The following LINC01488 variants were observed in gnomAD, a reference collection of about 807,000 sequenced individuals.
LINC01488 encodes CCND1-upstream intergenic DNA repair 1.
intron 1 of LINC01488, among the ~76,000 whole-genome samples, chr11:69,482,610 G>T (rs1022112852): frequency 1.3e-5 from 2 of 152,008 alleles, no homozygotes. Flanking sequence ...TGGATGAGTG[G>T]ATGGATGGGT....
chr11:69,491,765 C>G (rs1857224137), intron 3 of LINC01488: 1 of 152,598 alleles, frequency 6.6e-6, no homozygotes, highest in African/African-American at 2.4e-5. Context: ...GGCAGAACCC[C>G]TGCCCCATGG....
At chr11:69,485,166 A>G (rs1253480236) in intron 1 of LINC01488, among the ~76,000 whole-genome samples, 1 of 152,126 alleles carries the variant, frequency 6.6e-6, no homozygotes, top group Non-Finnish European at 1.5e-5. Context: ...ACCTCCTAGC[A>G]ATTGGGTGAT....
At chr11:69,485,299 TC>T (rs1857098032) in intron 1 of LINC01488, among the ~76,000 whole-genome samples, 1 of 152,192 alleles carries the variant, frequency 6.6e-6, no homozygotes. Flanking sequence ...TCTCATCCCC[TC>T]TCAGTCGAGG....
At chr11:69,482,582 G>GATGAGTAGGTGGATGA (rs1857059435) in intron 1 of LINC01488, among the ~76,000 whole-genome samples, 1 of 149,928 alleles carries the variant, frequency 6.7e-6, no homozygotes, top group Non-Finnish European at 1.5e-5. Flanking sequence ...TAGGTGGATG[G>GATGAGTAGGTGGATGA]ATGAGTAGGT....
chr11:69,492,809 C>G (rs776689030), exon 4 of LINC01488: 4 of 152,208 alleles, frequency 2.6e-5, no homozygotes, highest in African/African-American at 4.8e-5. Flanking sequence ...ACTGAAGCCT[C>G]CTGGAATGCT....
intron 1 of LINC01488, among the ~76,000 whole-genome samples, chr11:69,487,536 T>A (rs1175548023): frequency 2.0e-5 from 3 of 152,184 alleles, no homozygotes; most frequent in African/African-American, 7.2e-5. Context: ...GAAGGGGCCG[T>A]GTGGTGTCCA....
chr11:69,486,903 T>C (rs909792449), intron 1 of LINC01488, among the ~76,000 whole-genome samples: 4 of 152,184 alleles, frequency 2.6e-5, no homozygotes, highest in African/African-American at 9.6e-5. Flanking sequence ...AATGTGGATG[T>C]CAGCTCTGAA....
chr11:69,490,616 C>T (rs1352018305), intron 2 of LINC01488: 1 of 152,226 alleles, frequency 6.6e-6, no homozygotes, highest in Non-Finnish European at 1.5e-5. Flanking sequence ...CAGGGGGGCC[C>T]CTATGTGCCC....
chr11:69,484,087 C>T (rs1216245326), intron 1 of LINC01488, among the ~76,000 whole-genome samples: 1 of 152,238 alleles, frequency 6.6e-6, no homozygotes, highest in Non-Finnish European at 1.5e-5. Flanking sequence ...CCCTAGGTAC[C>T]TGCTGTGAGC....
At chr11:69,484,960 T>C (rs1250819885) in intron 1 of LINC01488, among the ~76,000 whole-genome samples, 1 of 152,242 alleles carries the variant, frequency 6.6e-6, no homozygotes, top group Non-Finnish European at 1.5e-5. Context: ...CCTGGTCTTA[T>C]CTGCTACTGC....
chr11:69,487,091 C>T (rs6606645), intron 1 of LINC01488, among the ~76,000 whole-genome samples: 58,226 of 152,248 alleles, frequency 0.38, 13,125 homozygotes, highest in Middle Eastern at 0.53. Flanking sequence ...TGGCCTGGGG[C>T]GGCTGCCGCC....
intron 1 of LINC01488, among the ~76,000 whole-genome samples, chr11:69,485,387 C>T (rs1857099428): frequency 6.6e-6 from 1 of 152,212 alleles, no homozygotes; most frequent in African/African-American, 2.4e-5. Context: ...ACTGACCTCA[C>T]TGGACTTAAC....
At chr11:69,492,896 A>G (rs1857246232) in exon 4 of LINC01488, 1 of 152,216 alleles carries the variant, frequency 6.6e-6, no homozygotes, top group South Asian at 2.1e-4. Context: ...CTGGCATCGC[A>G]ATCTCAGGGA....
chr11:69,491,028 G>A (rs190493862), exon 3 of LINC01488: 2 of 152,304 alleles, frequency 1.3e-5, no homozygotes, highest in East Asian at 1.9e-4. Context: ...TTTTCTGAGG[G>A]CCTGCTGTGC....
intron 1 of LINC01488, among the ~76,000 whole-genome samples, chr11:69,482,436 A>C (rs1857056099): frequency 6.6e-6 from 1 of 152,068 alleles, no homozygotes; most frequent in Non-Finnish European, 1.5e-5. Flanking sequence ...GAGTGGATGG[A>C]TGGACGAGTG....
At chr11:69,492,310 C>T (rs532778913) in exon 4 of LINC01488, 7 of 152,310 alleles carry the variant, frequency 4.6e-5, no homozygotes, top group East Asian at 1.9e-4. Flanking sequence ...TCGTGCCTCC[C>T]GCAAAGATGC....
chr11:69,489,707 G>A (rs190742759), intron 1 of LINC01488, among the ~76,000 whole-genome samples: 1 of 152,206 alleles, frequency 6.6e-6, no homozygotes, highest in Non-Finnish European at 1.5e-5. Flanking sequence ...GGTCTCATTT[G>A]CAAAATCAAA....
chr11:69,491,483 G>A (rs1053775080), intron 3 of LINC01488: 1 of 152,302 alleles, frequency 6.6e-6, no homozygotes, highest in Non-Finnish European at 1.5e-5. Flanking sequence ...AGGCTGTTTG[G>A]TAATGGAGTT....
At chr11:69,493,185 A>G (rs1368358805) in exon 4 of LINC01488, 1 of 152,342 alleles carries the variant, frequency 6.6e-6, no homozygotes, top group East Asian at 1.9e-4. Flanking sequence ...TTTCCAAAGC[A>G]CTGGAATAAA....
Sources: gnomAD v4.1 joint callset for allele counts (sites outside exome capture counted in the v4.1 genomes callset) on GRCh38, gnomAD v4.1.1 for gene constraint, MANE v1.5 for transcripts, NCBI Gene and HGNC (gene_info 2026-07-23, HGNC 2026-07-21) for gene names.